Variants in MICAL2 observed in about 807,000 individuals in gnomAD.
The protein encoded by MICAL2 is [F-actin]-monooxygenase MICAL2.
Under a neutral mutation model 127.3 loss-of-function variants are expected in MICAL2, and 77 were observed. The ratio of observed to expected loss-of-function variants is 0.60; its 90% CI spans 0.50 to 0.73. The LOEUF (loss-of-function observed/expected upper bound fraction) is 0.73, where lower values mean the gene tolerates loss of function less well. Ranked by LOEUF, MICAL2 falls within the 30% of genes least tolerant of loss-of-function variation. MICAL2 has a pLI of 0.00. For synonymous variants in MICAL2, 570 were observed against 551.1 expected, an observed-to-expected ratio of 1.03 and a Z score of -0.48; for missense variants, 1,351 against 1,434.4, an observed-to-expected ratio of 0.94 and a Z score of 0.94.
At chr11:12,335,411 C>A (rs550995172) in intron 32 of MICAL2, among the ~76,000 whole-genome samples, 3 of 151,852 alleles carry the variant, frequency 2.0e-5, no homozygotes, top group African/African-American at 4.8e-5. Flanking sequence ...GTTGCCTGTT[C>A]ACTCTGTTGG....
chr11:12,176,419 G>C (rs1173880862), intron 3 of MICAL2, among the ~76,000 whole-genome samples: 1 of 152,278 alleles, frequency 6.6e-6, no homozygotes, highest in South Asian at 2.1e-4. Flanking sequence ...AACATATTAA[G>C]TGCCCAGCAA....
chr11:12,162,523 G>A, intron 3 of MICAL2, 104 bp downstream of exon 3: 3 of 1,350,680 alleles, frequency 2.2e-6, no homozygotes, highest in Middle Eastern at 1.9e-4. Flanking sequence ...TCTTAGGTGT[G>A]GGTGTGAATG....
chr11:12,140,472 A>G (rs528636609), intron 2 of MICAL2, among the ~76,000 whole-genome samples: 125 of 149,682 alleles, frequency 8.4e-4, no homozygotes, highest in Middle Eastern at 3.6e-3. Context: ...CTCAATAAAC[A>G]CTTGTGGAAT....
At chr11:12,302,762 A>T (rs1272306087) in intron 29 of MICAL2, among the ~76,000 whole-genome samples, 2 of 152,170 alleles carry the variant, frequency 1.3e-5, no homozygotes, top group Non-Finnish European at 2.9e-5. Flanking sequence ...TTTTGACTTC[A>T]AGCGATCTTC....
At chr11:12,351,343 G>A (rs942956538) in intron 33 of MICAL2, among the ~76,000 whole-genome samples, 1 of 152,178 alleles carries the variant, frequency 6.6e-6, no homozygotes, top group Non-Finnish European at 1.5e-5. Context: ...AATAACCTCA[G>A]AGGATATTTG....
At chr11:12,345,488 T>C (rs1180316146) in intron 32 of MICAL2, among the ~76,000 whole-genome samples, 2 of 152,242 alleles carry the variant, frequency 1.3e-5, no homozygotes, top group African/African-American at 4.8e-5. Context: ...TGCTTTCTAA[T>C]ATCACATAAA....
In MICAL2 at chr11:12,204,227, TCTCTC is replaced by T. The variant is rs757391006; in HGVS notation, c.265-17_265-13del. 1 of 1,608,156 alleles carries T rather than the reference TCTCTC, an allele frequency of 6.2e-7. No individual in the cohort carries two copies. The highest frequency in any genetic ancestry group is 1.1e-5 in the South Asian group (1 of 90,950). On this transcript the variant is annotated intron_variant, in intron 3 of 27. Coordinates refer to ENST00000683283, the MANE Select transcript of MICAL2 (RefSeq NM_001282663.2). Reference sequence around the variant, plus strand: ...GTGATGCTAGAGGTTACCAAGAGTCTCTCTCCTCTCTCACCTCTGCAGTGTCTCAT... The same window carrying T: ...GTGATGCTAGAGGTTACCAAGAGTCTCTCTCTCACCTCTGCAGTGTCTCAT...
intron 21 of MICAL2, among the ~76,000 whole-genome samples, chr11:12,248,704 CAG>C (rs1236728860): frequency 2.0e-5 from 2 of 101,710 alleles, no homozygotes; most frequent in African/African-American, 7.4e-5. Flanking sequence ...TAGAGAGAAA[CAG>C]GGAAATGCTG....
intron 21 of MICAL2, among the ~76,000 whole-genome samples, chr11:12,248,778 C>CACCTGGTAGGAGGATAAATCTCAGGGAT (rs1457642714): frequency 2.0e-5 from 3 of 152,244 alleles, no homozygotes; most frequent in African/African-American, 4.8e-5. Flanking sequence ...ATCTCAGGGA[C>CACCTGGTAGGAGGATAAATCTCAGGGAT]AGGTCTCAAG....
chr11:12,171,855 CGT>C (rs1406955759), intron 3 of MICAL2, among the ~76,000 whole-genome samples: 8 of 152,114 alleles, frequency 5.3e-5, no homozygotes, highest in Admixed American at 5.2e-4. Context: ...AATATAAAGA[CGT>C]GTTGAAATTG....
chr11:12,192,899 T>A lies in MICAL2; in HGVS notation c.265-11351T>A, dbSNP rs73416245. On this transcript the variant is annotated intron_variant, in intron 3 of 27. Transcript: ENST00000683283. ...GGCTATTTTATGAACAATTCTGCAG[T>A]GTATTGACTCCATCCCCATAACAAC... Among the ~76,000 whole-genome samples the A allele has an allele frequency of 9.3e-3, 1,421 of 152,304 alleles. 25 individuals are homozygous for A. Among genetic ancestry groups the A allele is most frequent in the African/African-American group, 0.033 (1,364 of 41,548 alleles).
At chr11:12,272,031 G>T (rs111336634), upstream of MICAL2, among the ~76,000 whole-genome samples, 1 of 152,186 alleles carries the variant, frequency 6.6e-6, no homozygotes, top group Non-Finnish European at 1.5e-5. Context: ...TCTGTCAGCC[G>T]TGCCCTCCAC....
At chr11:12,242,915 A>C in intron 20 of MICAL2, 143 bp downstream of exon 20, 1 of 567,436 alleles carries the variant, frequency 1.8e-6, no homozygotes, top group Non-Finnish European at 3.0e-6. Flanking sequence ...GCCACCAAAT[A>C]ATACAAGCTG....
At chr11:12,214,249 G>T (rs1044891205) in intron 7 of MICAL2, among the ~76,000 whole-genome samples, 1 of 152,138 alleles carries the variant, frequency 6.6e-6, no homozygotes, top group African/African-American at 2.4e-5. Context: ...TAAAAACACA[G>T]ATTTCTCCTT....
chr11:12,290,209 A>G (rs988488283), downstream of MICAL2, among the ~76,000 whole-genome samples: 1 of 152,142 alleles, frequency 6.6e-6, no homozygotes, highest in Admixed American at 6.5e-5. Flanking sequence ...CTGGAGTTCC[A>G]TCTTGAAGGC....
chr11:12,304,299 A>T (rs1864082887), intron 29 of MICAL2, among the ~76,000 whole-genome samples: 1 of 152,040 alleles, frequency 6.6e-6, no homozygotes, highest in Non-Finnish European at 1.5e-5. Context: ...ACTTTCTTCC[A>T]TGTTGTTATC....
chr11:12,209,782 C>G (rs1228516197), intron 6 of MICAL2, among the ~76,000 whole-genome samples, 184 bp downstream of exon 6: 1 of 152,126 alleles, frequency 6.6e-6, no homozygotes, highest in Non-Finnish European at 1.5e-5. Context: ...GTGGGCAGTT[C>G]AGGGGACAGC....
At chr11:12,204,137 G>C in intron 3 of MICAL2, 113 bp from the exon 4 acceptor site, 1 of 972,164 alleles carries the variant, frequency 1.0e-6, no homozygotes, top group Admixed American at 2.0e-5. Flanking sequence ...GCTTGCACTT[G>C]CTGGTTGGTT....
At chr11:12,186,085 G>C (rs1007840597) in intron 3 of MICAL2, among the ~76,000 whole-genome samples, 1 of 152,226 alleles carries the variant, frequency 6.6e-6, no homozygotes, top group African/African-American at 2.4e-5. Context: ...GCCAGCTGCA[G>C]GGGGAGGTCT....
Sources: allele counts gnomAD v4.1 joint callset (sites outside exome capture counted in the v4.1 genomes callset), GRCh38; gene constraint gnomAD v4.1.1; transcripts MANE v1.5; gene names NCBI Gene and HGNC (gene_info 2026-07-23, HGNC 2026-07-21).